The following MAST1 variants were observed in gnomAD, a reference collection of about 807,000 sequenced individuals.
The protein encoded by MAST1 is microtubule associated serine/threonine kinase 1.
A neutral mutation model predicts 124.6 loss-of-function variants in MAST1; 40 were observed. That is an observed-to-expected ratio of 0.32 (90% confidence interval 0.25 to 0.42). The LOEUF (loss-of-function observed/expected upper bound fraction) is 0.42, where lower values mean the gene tolerates loss of function less well. MAST1 is among the 10% of genes least tolerant of loss of function. MAST1 has a pLI of 1.00. For missense variants in MAST1, 1,558 were observed against 2,181.9 expected, an observed-to-expected ratio of 0.71 and a Z score of 5.70; for synonymous variants, 938 against 939.4, an observed-to-expected ratio of 1.00 and a Z score of 0.03.
At position 12,865,250 on chromosome 19, in the gene MAST1, G is replaced by C; in HGVS notation, c.1639-66G>C. 1.3e-6 allele frequency: 2 copies of C among 1,586,642 alleles called. No homozygotes were observed. Among genetic ancestry groups the C allele is most frequent in the Admixed American group, 1.7e-5 (1 of 57,782 alleles). On this transcript the variant is annotated intron_variant, in intron 14 of 25. Transcript: ENST00000251472. The surrounding 1 kb of genome is among the most constrained non-coding windows in gnomAD (Gnocchi z 7.1). ...GGACCTCGGGAACCCAGGGCCTGGT[G>C]GGGGGCACAGCTCTCCCTTGAGGGC...
Position 12,870,940 on chromosome 19 carries a change from C to A in MAST1, c.3120C>A (p.Ile1040=). 6.2e-7 allele frequency: 1 copy of A among 1,613,824 alleles called. No individual in the cohort carries two copies. ...TGCATCCTGAGGTCGTGGAGCTGATCCTTAAGGTGAGTGCAGGGAAGGAGG... is the reference window on the plus strand; with the variant it reads ...TGCATCCTGAGGTCGTGGAGCTGATACTTAAGGTGAGTGCAGGGAAGGAGG... The part of the protein sequence containing the change: ...GMVHPEVVEL[I]LKSGNKVAVT... The change falls in exon 23 of 26, where the codon ATC becomes ATA. Residue 1040 remains isoleucine (I), a synonymous_variant. Transcript: ENST00000251472.
chr19:12,870,812 C>A lies in MAST1; in HGVS notation c.3004-12C>A, dbSNP rs748794527. On this transcript the variant is annotated splice_polypyrimidine_tract_variant and intron_variant, in intron 22 of 25. Transcript: ENST00000251472. ...CCACTAACCCTGTCCCTATGGGGTG[C>A]TCTTTTCCCAGCATGTGGAGGAAGG... 1.3e-6 allele frequency: 2 copies of A among 1,595,340 alleles called. No individual in the cohort carries two copies. The highest frequency in any genetic ancestry group is 4.5e-5 in the East Asian group (2 of 44,674).
Position 12,872,940 on chromosome 19 carries a change from GTGTT to G in MAST1, c.3264-380_3264-377del, listed in dbSNP as rs541102916. Reference sequence around the variant, plus strand: ...AAAAAAAATGGTTTTGTTTGGATGAGTGTTTGTAGCCAGAATTGGGAGTGGCCTA... The same window carrying G: ...AAAAAAAATGGTTTTGTTTGGATGAGTGTAGCCAGAATTGGGAGTGGCCTA... On this transcript the variant is annotated intron_variant, in intron 24 of 25. Transcript: ENST00000251472. 7.2e-5 allele frequency among the ~76,000 whole-genome samples: 11 copies of G among 152,126 alleles called. No individual in the cohort carries two copies. In the East Asian group the frequency reaches 2.1e-3, roughly 29 times the overall value.
At chr19:12,860,895 C>T (rs981860048) in intron 12 of MAST1, among the ~76,000 whole-genome samples, 3 of 152,040 alleles carry the variant, frequency 2.0e-5, no homozygotes, top group Non-Finnish European at 4.4e-5. Flanking sequence ...AGTCAACCAT[C>T]CAGTCACTCA....
Position 12,852,210 on chromosome 19 carries a change from C to A in MAST1, c.972C>A (p.Ile324=). 6.2e-7 allele frequency: 1 copy of A among 1,614,108 alleles called. No homozygotes were observed. The highest frequency in any genetic ancestry group is 8.5e-7 in the Non-Finnish European group (1 of 1,180,020). The change falls in exon 9 of 26, where the codon ATC becomes ATA. Residue 324 remains isoleucine, a synonymous_variant. Transcript: ENST00000251472. The part of the protein sequence containing the change: ...HLVKTDIPRY[I]IRQLGLTRDP... ...TGAAGACGGACATCCCCCGCTACAT[C>A]ATCCGCCAGCTGGGCCTCACCCGTG...
At chr19:12,863,158 CAAA>C (rs749539925) in intron 12 of MAST1, among the ~76,000 whole-genome samples, 4 of 44,116 alleles carry the variant, frequency 9.1e-5, no homozygotes, top group Admixed American at 5.5e-4. Context: ...GACTCTGACT[CAAA>C]AAAAAAAAAA....
rs190608259 is a variant in MAST1, at chr19:12,846,555, G to A, written c.328-735G>A. Among the ~76,000 whole-genome samples, 30 of 152,078 alleles carry A rather than the reference G, an allele frequency of 2.0e-4. No individual in the cohort carries two copies. In the East Asian group the frequency reaches 4.9e-3, roughly 25 times the overall value. ...CTAATGCAAAGGCCCTGAGGAAGGA[G>A]CTTGCCTGGCTTGTCCAAGGACCAT... is the stretch of plus-strand genomic sequence containing the variant. On this transcript the variant is annotated intron_variant, in intron 4 of 25. Coordinates refer to ENST00000251472, the MANE Select transcript of MAST1 (RefSeq NM_014975.3).
intron 4 of MAST1, among the ~76,000 whole-genome samples, chr19:12,846,870 C>CAAAAAAAAAAA (rs386388580): frequency 6.3e-5 from 3 of 47,388 alleles, no homozygotes; most frequent in African/African-American, 8.6e-5. Context: ...AACTCCATCT[C>CAAAAAAAAAAA]AAAAAAAAAA....
chr19:12,839,712 A>C (rs1969803081), intron 1 of MAST1, among the ~76,000 whole-genome samples: 1 of 152,174 alleles, frequency 6.6e-6, no homozygotes, highest in Non-Finnish European at 1.5e-5. Flanking sequence ...ACACAGACTC[A>C]GAATGCCACA....
rs2145908159 is a variant in MAST1, at chr19:12,866,325, G to A, written c.2029+223G>A. Among the ~76,000 whole-genome samples the A allele has an allele frequency of 6.6e-6, 1 of 152,262 alleles. No homozygotes were observed. The highest frequency in any genetic ancestry group is 2.1e-4 in the South Asian group (1 of 4,822). On this transcript the variant is annotated intron_variant, in intron 17 of 25. Coordinates refer to ENST00000251472, the MANE Select transcript of MAST1 (RefSeq NM_014975.3). This position sits in a 1 kb window ranked among gnomAD's most constrained non-coding sequence, Gnocchi z 5.2. ...AAGAACCTGAGATTGGGCTAGGTGT[G>A]GGGCCTGGCCTGGGTGAGTTGTGAG... is the stretch of plus-strand genomic sequence containing the variant.
In MAST1 at chr19:12,867,723, C is replaced by G; in HGVS notation, c.2319-7C>G. On this transcript the variant is annotated splice_region_variant and splice_polypyrimidine_tract_variant and intron_variant, in intron 19 of 25. Transcript: ENST00000251472. ...GTGTCTTCCATAACCACGCCCCCTC[C>G]ATGCAGCAAGCGATTCTCCGCGTCC... 1 of 1,531,848 alleles carries G rather than the reference C, an allele frequency of 6.5e-7. No homozygotes were observed. Among genetic ancestry groups the G allele is most frequent in the Non-Finnish European group, 8.8e-7 (1 of 1,140,212 alleles). 94.9% of individuals were successfully genotyped at this position (1,531,848 alleles called of 1,614,324 possible).
intron 24 of MAST1, 106 bp from the exon 25 acceptor site, chr19:12,873,218 A>C (rs1291120875): frequency 9.4e-7 from 1 of 1,066,666 alleles, no homozygotes; most frequent in Admixed American, 2.1e-5. Context: ...TGGAGAGGGA[A>C]GGGCCAGAAG....
chr19:12,847,158 C>T lies in MAST1; in HGVS notation c.328-132C>T. 1 of 657,506 alleles carries T rather than the reference C, an allele frequency of 1.5e-6. No homozygotes were observed. The highest frequency in any genetic ancestry group is 2.7e-6 in the Non-Finnish European group (1 of 372,678). The allele number at this position is 657,506 out of a possible 1,614,324, so 40.7% of individuals were successfully genotyped here. ...GAGTCCCAGCCAAGATCCTAGGATC[C>T]AAGGATCGTAAATCAGGTCCTGATC... On this transcript the variant is annotated intron_variant, in intron 4 of 25. Coordinates refer to ENST00000251472, the MANE Select transcript of MAST1 (RefSeq NM_014975.3). This position sits in a 1 kb window ranked among gnomAD's most constrained non-coding sequence, Gnocchi z 5.5.
rs2145906911 is a variant in MAST1, at chr19:12,864,879, T to C, written c.1437T>C (p.Ala479=). The change falls in exon 13 of 26, where the codon GCT becomes GCC. Residue 479 remains alanine (A), a synonymous_variant. Transcript: ENST00000251472. ...TAGAGATGGCCCGCATGTACTTTGC[T>C]GAGACGGTGCTAGCCCTGGAGTATT... ...LPVEMARMYF[A]ETVLALEYLH... The C allele has an allele frequency of 6.2e-7, 1 of 1,614,144 alleles. No homozygotes were observed.
At chr19:12,858,477 C>T (rs145060708) in intron 11 of MAST1, 36 bp downstream of exon 11, 78,132 of 1,611,596 alleles carry the variant, frequency 0.048, 2,224 homozygotes, top group Non-Finnish European at 0.059. Context: ...GGGAGGGTGG[C>T]GGAGGCCGGG....
chr19:12,847,598 T>C lies in MAST1; in HGVS notation c.489-14T>C. ...AGGCAGAGGACTCGACAAAATGGGC[T>C]TCTCTCCCCGCAGCCCCGGGCGCTC... On this transcript the variant is annotated splice_polypyrimidine_tract_variant and intron_variant, in intron 5 of 25. Transcript: ENST00000251472. This position sits in a 1 kb window ranked among gnomAD's most constrained non-coding sequence, Gnocchi z 5.5. 1 of 1,614,008 alleles carries C rather than the reference T, an allele frequency of 6.2e-7. No homozygotes were observed. Among genetic ancestry groups the C allele is most frequent in the South Asian group, 1.1e-5 (1 of 91,068 alleles).
chr19:12,863,727 G>A (rs2145906092), intron 12 of MAST1, among the ~76,000 whole-genome samples: 1 of 152,220 alleles, frequency 6.6e-6, no homozygotes, highest in South Asian at 2.1e-4. Context: ...TGCTGCACAT[G>A]GAAGGAAATC....
In MAST1 at chr19:12,874,597, G is replaced by T. The variant is rs1365312497; in HGVS notation, c.4440G>T (p.Trp1480Cys). ...VPEAPRGRER[W>C]VLEVVEERTT... ...AGGCCCCCCGGGGCCGGGAGCGCTGGGTGTTGGAGGTGGTGGAGGAGCGCA... is the reference window on the plus strand; with the variant it reads ...AGGCCCCCCGGGGCCGGGAGCGCTGTGTGTTGGAGGTGGTGGAGGAGCGCA... The change falls in exon 26 of 26, where the codon TGG becomes TGT. Residue 1480 changes from tryptophan (W) to cysteine (C), a missense_variant. Trp to Cys is a radical substitution (Grantham distance 215). Transcript: ENST00000251472. This position sits in a 1 kb window ranked among gnomAD's most constrained non-coding sequence, Gnocchi z 6.6. 1.3e-6 allele frequency: 2 copies of T among 1,509,766 alleles called. No homozygotes were observed. The highest frequency in any genetic ancestry group is 1.4e-5 in the African/African-American group (1 of 71,614). 93.5% of individuals were successfully genotyped at this position (1,509,766 alleles called of 1,614,324 possible).
In MAST1 at chr19:12,865,676, C is replaced by A. The variant is rs1568413414; in HGVS notation, c.1805-41C>A. 6.4e-7 allele frequency: 1 copy of A among 1,550,756 alleles called. No individual in the cohort carries two copies. The highest frequency in any genetic ancestry group is 1.2e-5 in the South Asian group (1 of 85,756). On this transcript the variant is annotated intron_variant, in intron 15 of 25. Transcript: ENST00000251472. This position sits in a 1 kb window ranked among gnomAD's most constrained non-coding sequence, Gnocchi z 7.1. ...GTGAGATCCTGTGTCCAAACAACAA[C>A]AACAACAAAAACCGCCCCTAAGTTC...
Sources: allele counts gnomAD v4.1 joint callset (sites outside exome capture counted in the v4.1 genomes callset), GRCh38; gene constraint gnomAD v4.1.1; non-coding constraint Gnocchi (gnomAD v3.1); transcripts MANE v1.5; gene names NCBI Gene and HGNC (gene_info 2026-07-23, HGNC 2026-07-21).